The following HECW1 variants were observed in gnomAD, a reference collection of about 807,000 sequenced individuals.
The protein encoded by HECW1 is HECT, C2 and WW domain containing E3 ubiquitin protein ligase 1.
HECW1 carries 61 observed loss-of-function variants against 182.3 expected under a neutral mutation model. The ratio of observed to expected loss-of-function variants is 0.33; its 90% CI spans 0.27 to 0.41. The LOEUF (loss-of-function observed/expected upper bound fraction) is 0.41, where lower values mean the gene tolerates loss of function less well. Among genes scored for constraint, HECW1 ranks in the 10% least tolerant of loss-of-function variants. The probability of loss-of-function intolerance (pLI) is 1.00; values close to 1 mark genes in which losing one functional copy is unlikely to be tolerated. For synonymous variants in HECW1, 859 were observed against 832.6 expected (o/e 1.03, Z -0.55); for missense variants, 1,739 against 2,108.9 (o/e 0.82, Z 3.44).
chr7:43,351,407 T>C (rs1208489043), intron 5 of HECW1, among the ~76,000 whole-genome samples: 1 of 152,118 alleles, frequency 6.6e-6, no homozygotes, highest in African/African-American at 2.4e-5. Context: ...GGACCAGTGG[T>C]GGGCGATGCC....
At chr7:43,431,782 C>T (rs1204567951) in intron 8 of HECW1, among the ~76,000 whole-genome samples, 1 of 152,170 alleles carries the variant, frequency 6.6e-6, no homozygotes, top group Non-Finnish European at 1.5e-5. Flanking sequence ...TTGCAGTTCC[C>T]CAAGGGACTC....
intron 15 of HECW1, among the ~76,000 whole-genome samples, chr7:43,468,675 C>T (rs2152898953): frequency 6.6e-6 from 1 of 152,280 alleles, no homozygotes; most frequent in East Asian, 1.9e-4. Context: ...CACATGCCAC[C>T]ATGCCCAGCT....
chr7:43,132,625 A>T (rs1046588532), intron 2 of HECW1, among the ~76,000 whole-genome samples: 3 of 152,094 alleles, frequency 2.0e-5, no homozygotes, highest in African/African-American at 7.2e-5. Context: ...ACTCAGTGTG[A>T]TACAATCAGT....
At chr7:43,471,511 C>T (rs943347294) in intron 16 of HECW1, among the ~76,000 whole-genome samples, 3 of 152,190 alleles carry the variant, frequency 2.0e-5, no homozygotes, top group South Asian at 2.1e-4. Context: ...TCTTTGAATG[C>T]GTGGTCATCT....
intron 24 of HECW1, chr7:43,510,250 G>A (rs938475477): frequency 1.3e-5 from 2 of 152,152 alleles, no homozygotes; most frequent in African/African-American, 4.8e-5. Context: ...GCTATGACCT[G>A]TAACACAGGA....
At chr7:43,226,987 G>A (rs1454644734) in intron 2 of HECW1, among the ~76,000 whole-genome samples, 1 of 152,202 alleles carries the variant, frequency 6.6e-6, no homozygotes, top group Non-Finnish European at 1.5e-5. Context: ...ATATTTGGAT[G>A]ACCATGGTTG....
intron 2 of HECW1, among the ~76,000 whole-genome samples, chr7:43,190,148 C>T (rs1049070161): frequency 6.6e-6 from 1 of 152,192 alleles, no homozygotes; most frequent in Non-Finnish European, 1.5e-5. Flanking sequence ...GAGTCATGCT[C>T]TGTCGCCCAG....
chr7:43,114,172 TC>T lies in HECW1; in HGVS notation c.-250del. On this transcript the variant is annotated 5_prime_UTR_variant, in exon 2 of 30. The change creates a premature stop within an existing upstream ORF in the 5' untranslated region. Coordinates refer to ENST00000395891, the MANE Select transcript of HECW1 (RefSeq NM_015052.5). The stretch of plus-strand genomic sequence containing the variant: ...CTTTGAAAAGATATCAATGCTATGT[TC>T]AGCAGAAACGGATACAGCAAGAGCA... 3.5e-6 allele frequency: 4 copies of T among 1,147,994 alleles called. No homozygotes were observed. Among genetic ancestry groups the T allele is most frequent in the African/African-American group, 1.6e-5 (1 of 64,202 alleles). The allele number at this position is 1,147,994 out of a possible 1,614,324, so 71.1% of individuals were successfully genotyped here.
At chr7:43,518,388 C>G (rs903117979) in intron 24 of HECW1, among the ~76,000 whole-genome samples, 3 of 151,744 alleles carry the variant, frequency 2.0e-5, no homozygotes, top group Non-Finnish European at 4.4e-5. Context: ...CCCAGCTACT[C>G]AGGAGGCTGA....
chr7:43,289,755 G>A (rs10246992), intron 3 of HECW1, among the ~76,000 whole-genome samples: 10,782 of 152,238 alleles, frequency 0.071, 1,110 homozygotes, highest in African/African-American at 0.23. Context: ...TGGCCCAGGT[G>A]GTTACAGTTT....
intron 11 of HECW1, among the ~76,000 whole-genome samples, chr7:43,445,813 C>T (rs982331802): frequency 4.6e-5 from 7 of 152,146 alleles, no homozygotes; most frequent in Non-Finnish European, 5.9e-5. Context: ...TGGATGTGAG[C>T]GTGCACTTGT....
chr7:43,508,721 A>G, intron 23 of HECW1: 1 of 512,180 alleles, frequency 2.0e-6, no homozygotes, highest in Non-Finnish European at 3.5e-6. Context: ...AAAAGAAAAC[A>G]CTAAGGAAAG....
At chr7:43,546,026 G>A (rs908451795) in intron 26 of HECW1, among the ~76,000 whole-genome samples, 13 of 152,092 alleles carry the variant, frequency 8.5e-5, no homozygotes, top group African/African-American at 2.7e-4. Context: ...AATCAGAACC[G>A]TTCTGCCAGA....
At chr7:43,262,772 T>C (rs1801322054) in intron 3 of HECW1, among the ~76,000 whole-genome samples, 1 of 152,198 alleles carries the variant, frequency 6.6e-6, no homozygotes, top group South Asian at 2.1e-4. Context: ...AGATGTTCTA[T>C]AAGTAAAGTA....
chr7:43,486,802 A>G (rs1042302545), intron 17 of HECW1, among the ~76,000 whole-genome samples: 2 of 152,246 alleles, frequency 1.3e-5, no homozygotes, highest in African/African-American at 4.8e-5. Flanking sequence ...ATGGAAAAGC[A>G]TAATTCCCCA....
In HECW1 at chr7:43,432,701, C is replaced by T. The variant is rs940399822; in HGVS notation, c.802-5302C>T. On this transcript the variant is annotated intron_variant, in intron 8 of 29. Transcript: ENST00000395891. This position sits in a 1 kb window ranked among gnomAD's most constrained non-coding sequence, Gnocchi z 4.1. Reference sequence around the variant, plus strand: ...TTTATGAATGAATGGATACAACTTTCCCCTCCTTTATTTACCAACACTCTC... The same window carrying T: ...TTTATGAATGAATGGATACAACTTTTCCCTCCTTTATTTACCAACACTCTC... Among the ~76,000 whole-genome samples the T allele has an allele frequency of 6.6e-6, 1 of 152,200 alleles. No individual in the cohort carries two copies. The highest frequency in any genetic ancestry group is 1.5e-5 in the Non-Finnish European group (1 of 68,044).
chr7:43,444,525 T>C lies in HECW1; in HGVS notation c.1353T>C (p.Pro451=). 1 of 1,611,378 alleles carries C rather than the reference T, an allele frequency of 6.2e-7. No homozygotes were observed. The highest frequency in any genetic ancestry group is 2.2e-5 in the East Asian group (1 of 44,810). The change falls in exon 11 of 30, where the codon CCT becomes CCC. Residue 451 remains proline (P), a synonymous_variant. Transcript: ENST00000395891. This position sits in a 1 kb window ranked among gnomAD's most constrained non-coding sequence, Gnocchi z 4.3. ...LLAQVQKDIQ[P]APSAEELAEQ... ...CCCAGGTGCAAAAGGACATCCAGCC[T>C]GCCCCCAGTGCAGAAGAGCTGGCCG... is the stretch of plus-strand genomic sequence containing the variant.
chr7:43,392,788 G>GC (rs2075087778), intron 6 of HECW1, among the ~76,000 whole-genome samples: 2 of 152,180 alleles, frequency 1.3e-5, no homozygotes. Flanking sequence ...TAACATGCTG[G>GC]AGACTAAAGG....
At chr7:43,205,338 C>T (rs954994162) in intron 2 of HECW1, among the ~76,000 whole-genome samples, 2 of 152,188 alleles carry the variant, frequency 1.3e-5, no homozygotes, top group African/African-American at 2.4e-5. Context: ...CCGCCTTGGC[C>T]TCCCAAACAA....
Sources: gnomAD v4.1 joint callset for allele counts (sites outside exome capture counted in the v4.1 genomes callset) on GRCh38, gnomAD v4.1.1 for gene constraint, Gnocchi (gnomAD v3.1) non-coding constraint, MANE v1.5 for transcripts, NCBI Gene and HGNC (gene_info 2026-07-23, HGNC 2026-07-21) for gene names.